Variants in NLRP8 observed in about 807,000 individuals in gnomAD.
NLRP8 encodes NACHT, LRR and PYD domains-containing protein 8.
A neutral mutation model predicts 88.7 loss-of-function variants in NLRP8; 86 were observed. The ratio of observed to expected loss-of-function variants is 0.97; its 90% CI spans 0.81 to 1.16. The LOEUF (loss-of-function observed/expected upper bound fraction) is 1.16, where lower values mean the gene tolerates loss of function less well. NLRP8 is among the 50% of genes most tolerant of loss of function. The pLI, the probability that NLRP8 is intolerant of heterozygous loss-of-function variation, is 0.00. For synonymous variants in NLRP8, 504 were observed against 494.6 expected (o/e 1.02, Z -0.25); for missense variants, 1,342 against 1,286.5 (o/e 1.04, Z -0.66).
chr19:55,966,722 A>T (rs1436209243), intron 5 of NLRP8, among the ~76,000 whole-genome samples: 1 of 152,150 alleles, frequency 6.6e-6, no homozygotes, highest in African/African-American at 2.4e-5. Context: ...AGGCTGAGGC[A>T]GGATAATTGC....
intron 2 of NLRP8, among the ~76,000 whole-genome samples, chr19:55,952,997 G>A (rs986895938): frequency 6.6e-6 from 1 of 152,162 alleles, no homozygotes; most frequent in African/African-American, 2.4e-5. Context: ...CCATGGACTA[G>A]TACCAGTCTG....
At chr19:55,948,356 G>A (rs1978947115) in intron 1 of NLRP8, 87 bp downstream of exon 1, 31 of 1,392,926 alleles carry the variant, frequency 2.2e-5, no homozygotes, top group Non-Finnish European at 2.9e-5. Context: ...ATCACTTATT[G>A]GCCTTCTGAG....
rs769480148 is a variant in NLRP8 at position 55,979,434 on chromosome 19, A to G, written c.2917A>G (p.Met973Val). The G allele has an allele frequency of 1.9e-5, 31 of 1,614,166 alleles. No individual in the cohort carries two copies. The highest frequency in any genetic ancestry group is 2.6e-5 in the Non-Finnish European group (31 of 1,180,030). ...GTTCACCTCCATCTGCTGCCAGGCC[A>G]TGGCTTCCATGCTCCGCAAAAACCA... The change falls in exon 9 of 10, where the codon ATG becomes GTG. Residue 973 changes from methionine to valine, a missense_variant. Physicochemically the swap from Met to Val is conservative, Grantham distance 21 (BLOSUM62 1). Transcript: ENST00000291971.
At position 55,987,985 on chromosome 19, in the gene NLRP8, TATC is replaced by T. The variant is rs1980933732; in HGVS notation, c.*76_*78del. On this transcript the variant is annotated 3_prime_UTR_variant, in exon 10 of 10. Coordinates refer to ENST00000291971, the MANE Select transcript of NLRP8 (RefSeq NM_176811.2). ...CTGACAACTGGCAAATACCAGGCGT[TATC>T]ATCCTGTATGCATTAACGTACTTTC... 4.6e-6 allele frequency: 5 copies of T among 1,092,846 alleles called. No individual in the cohort carries two copies. The highest frequency in any genetic ancestry group is 2.4e-5 in the East Asian group (1 of 42,274). 67.7% of individuals were successfully genotyped at this position (1,092,846 alleles called of 1,614,324 possible). A position where few individuals can be genotyped will look rare whatever the true frequency, so the allele number is the denominator to read the frequency against.
At position 55,984,376 on chromosome 19, in the gene NLRP8, C is replaced by T. The variant is rs191393454; in HGVS notation, c.3048-3438C>T. ...AGGAATAAACAATAACAGTTGTGGCCGGGCGCAGTGGCTCACGCCTGTAAT... is the reference window on the plus strand; with the variant it reads ...AGGAATAAACAATAACAGTTGTGGCTGGGCGCAGTGGCTCACGCCTGTAAT... On this transcript the variant is annotated intron_variant, in intron 9 of 9. Coordinates refer to ENST00000291971, the MANE Select transcript of NLRP8 (RefSeq NM_176811.2). Among the ~76,000 whole-genome samples the T allele has an allele frequency of 6.2e-3, 947 of 152,160 alleles. 2 individuals carry two copies. The highest frequency in any genetic ancestry group is 8.6e-3 in the Non-Finnish European group (586 of 68,020).
intron 9 of NLRP8, among the ~76,000 whole-genome samples, chr19:55,980,815 G>A (rs1266249533): frequency 1.3e-5 from 2 of 152,168 alleles, no homozygotes; most frequent in Admixed American, 1.3e-4. Flanking sequence ...GTGAGAGAGG[G>A]AGCCATCCAA....
chr19:55,960,177 G>A (rs1308113631), intron 3 of NLRP8, among the ~76,000 whole-genome samples: 1 of 152,122 alleles, frequency 6.6e-6, no homozygotes, highest in African/African-American at 2.4e-5. Context: ...TGAGGGCACT[G>A]GCTCTGTCAG....
At chr19:55,953,612 G>A (rs1979195562) in intron 2 of NLRP8, among the ~76,000 whole-genome samples, 1 of 151,668 alleles carries the variant, frequency 6.6e-6, no homozygotes, top group African/African-American at 2.4e-5. Flanking sequence ...TGATTCTCCT[G>A]CCTTAGCCTC....
chr19:55,987,186 T>C (rs1313107906), intron 9 of NLRP8, among the ~76,000 whole-genome samples: 2 of 152,108 alleles, frequency 1.3e-5, no homozygotes. Context: ...CTGGCCAACA[T>C]GGTGAAATCC....
In NLRP8 at chr19:55,970,691, G is replaced by T. The variant is rs1387937730; in HGVS notation, c.2529G>T (p.Arg843Ser). The change falls in exon 6 of 10, where the codon AGG becomes AGT. Residue 843 changes from arginine (R) to serine (S), a missense_variant. Arg to Ser is a moderately radical substitution (Grantham distance 110). Transcript: ENST00000291971. ...ACCTGTCTGTGGCCCAGCTGGAGAG[G>T]CTGTCGTAAGTCTCCTTTCTAGTGG... 2 of 1,614,032 alleles carry T rather than the reference G, an allele frequency of 1.2e-6. No individual in the cohort carries two copies. The highest frequency in any genetic ancestry group is 2.7e-5 in the African/African-American group (2 of 75,030).
chr19:55,961,920 C>T lies in NLRP8; in HGVS notation c.2043-147C>T, dbSNP rs541191597. 99 of 574,382 alleles carry T rather than the reference C, an allele frequency of 1.7e-4. No individual in the cohort carries two copies. In the East Asian group the frequency reaches 2.2e-3, roughly 13 times the overall value. The allele number at this position is 574,382 out of a possible 1,614,324, so 35.6% of individuals were successfully genotyped here. ...AATGAGAAACCTCGTGATGGTTTTT[C>T]TGAGTGCTTTATTTAAATGAGGATG... On this transcript the variant is annotated intron_variant, in intron 3 of 9. Transcript: ENST00000291971.
chr19:55,986,460 ACACT>A (rs144027940), intron 9 of NLRP8, among the ~76,000 whole-genome samples: 5,761 of 66,546 alleles, frequency 0.087, 157 homozygotes, highest in South Asian at 0.22. Context: ...TCTCACACAC[ACACT>A]CTCTCACATA....
intron 3 of NLRP8, among the ~76,000 whole-genome samples, chr19:55,956,722 A>C (rs1054950326): frequency 6.6e-6 from 1 of 152,140 alleles, no homozygotes; most frequent in Admixed American, 6.6e-5. Flanking sequence ...AATACTGGGC[A>C]AAATGAGATC....
In NLRP8 at chr19:55,955,848, G is replaced by A. The variant is rs1265044578; in HGVS notation, c.1790G>A (p.Cys597Tyr). 1 of 1,614,130 alleles carries A rather than the reference G, an allele frequency of 6.2e-7. No homozygotes were observed. Among genetic ancestry groups the A allele is most frequent in the Non-Finnish European group, 8.5e-7 (1 of 1,180,032 alleles). ...AAAGTCATACCTCTGTTGCATAAAT[G>A]TGACCCACCTTCTCCGGGCAGTGGG... Residue 597 changes from cysteine (C) to tyrosine (Y), a missense_variant, in exon 3 of 10, where the codon TGT (cysteine) becomes TAT (tyrosine). By Grantham distance (194) the Cys-to-Tyr change is radical. Transcript: ENST00000291971.
chr19:55,981,438 T>C (rs1476251356), intron 9 of NLRP8, among the ~76,000 whole-genome samples: 1 of 152,210 alleles, frequency 6.6e-6, no homozygotes, highest in Non-Finnish European at 1.5e-5. Flanking sequence ...CCACATCTAC[T>C]CCTGGCTACC....
intron 3 of NLRP8, among the ~76,000 whole-genome samples, chr19:55,959,369 G>A (rs1364841466): frequency 6.6e-6 from 1 of 150,846 alleles, no homozygotes; most frequent in South Asian, 2.1e-4. Context: ...CCGCCACCAC[G>A]CCTGGCTAAT....
At chr19:55,950,424 AACACACACAC>A (rs113284539) in intron 1 of NLRP8, among the ~76,000 whole-genome samples, 1 of 148,998 alleles carries the variant, frequency 6.7e-6, no homozygotes, top group African/African-American at 2.5e-5. Context: ...CATCTCAAGA[AACACACACAC>A]ACACACACAC....
rs1201206568 is a variant in NLRP8 at position 55,957,670 on chromosome 19, TAATTATATATATATATATA to T, written c.2042+1571_2042+1589del. Among the ~76,000 whole-genome samples the T allele has an allele frequency of 7.9e-4, 41 of 51,862 alleles. 1 individual carries two copies. The highest frequency in any genetic ancestry group is 9.6e-3 in the Middle Eastern group (1 of 104). 34.0% of individuals were successfully genotyped at this position (51,862 alleles called of 152,430 possible). Reference sequence around the variant, plus strand: ...CACTATCTTAAAAAAGAAAAAATAATAATTATATATATATATATATATATATATATATATATATATATAT... The same window carrying T: ...CACTATCTTAAAAAAGAAAAAATAATTATATATATATATATATATATATAT... On this transcript the variant is annotated intron_variant, in intron 3 of 9. Coordinates refer to ENST00000291971, the MANE Select transcript of NLRP8 (RefSeq NM_176811.2).
rs1978914538 is a variant in NLRP8 at position 55,947,906 on chromosome 19, A to G, written c.4A>G (p.Ser2Gly). 1 of 1,608,538 alleles carries G rather than the reference A, an allele frequency of 6.2e-7. No individual in the cohort carries two copies. The highest frequency in any genetic ancestry group is 8.5e-7 in the Non-Finnish European group (1 of 1,176,772). The change falls in exon 1 of 10, where the codon AGT becomes GGT. Residue 2 changes from serine (S) to glycine (G), a missense_variant. By Grantham distance (56) the Ser-to-Gly change is moderately conservative (BLOSUM62 0). Coordinates refer to ENST00000291971, the MANE Select transcript of NLRP8 (RefSeq NM_176811.2). ...GTGTTCTCTGCCTTGACTAAAGATGAGTGACGTGAATCCACCCTCTGACAC... is the reference window on the plus strand; with the variant it reads ...GTGTTCTCTGCCTTGACTAAAGATGGGTGACGTGAATCCACCCTCTGACAC...
Sources: gnomAD v4.1 joint callset for allele counts (sites outside exome capture counted in the v4.1 genomes callset) on GRCh38, gnomAD v4.1.1 for gene constraint, MANE v1.5 for transcripts, NCBI Gene and HGNC (gene_info 2026-07-23, HGNC 2026-07-21) for gene names.